Variants in REG4 observed in about 807,000 individuals in gnomAD.
REG4 encodes regenerating islet-derived protein 4.
REG4 carries 16 observed loss-of-function variants against 22.3 expected under a neutral mutation model. That is an observed-to-expected ratio of 0.72 (90% confidence interval 0.49 to 1.09). The LOEUF is 1.09. Ranked by LOEUF, REG4 falls within the 50% of genes least tolerant of loss-of-function variation. The probability of loss-of-function intolerance (pLI) is 0.00; values close to 1 mark genes in which losing one functional copy is unlikely to be tolerated. For missense variants in REG4, 214 were observed against 193.9 expected (o/e 1.10, Z -0.61); for synonymous variants, 71 against 69.2 (o/e 1.03, Z -0.13).
intron 5 of REG4, 39 bp downstream of exon 5, chr1:119,798,458 G>T (rs371243611): frequency 4.7e-6 from 7 of 1,496,230 alleles, no homozygotes; most frequent in African/African-American, 1.4e-5. Context: ...AAGAGTCTGC[G>T]CATTGGGAAG....
chr1:119,807,696 G>A (rs888314776), intron 2 of REG4, among the ~76,000 whole-genome samples: 1 of 152,196 alleles, frequency 6.6e-6, no homozygotes, highest in South Asian at 2.1e-4. Context: ...CGATAGTTCA[G>A]TGAACTGGTG....
At chr1:119,808,426 A>T (rs1471077446) in intron 2 of REG4, among the ~76,000 whole-genome samples, 2 of 152,222 alleles carry the variant, frequency 1.3e-5, no homozygotes, top group Non-Finnish European at 2.9e-5. Flanking sequence ...TGTTTCAAAC[A>T]CATTATCTCT....
chr1:119,810,300 C>T (rs1421553097), intron 1 of REG4, among the ~76,000 whole-genome samples: 1 of 152,066 alleles, frequency 6.6e-6, no homozygotes, highest in Non-Finnish European at 1.5e-5. Context: ...CTGGATTTCC[C>T]TCCCAAATAA....
chr1:119,795,755 TAGTGCTC>T (rs1234875054), intron 5 of REG4, among the ~76,000 whole-genome samples: 1 of 152,200 alleles, frequency 6.6e-6, no homozygotes, highest in Non-Finnish European at 1.5e-5. Context: ...CCTGCATCCA[TAGTGCTC>T]AGCGCAGGAG....
chr1:119,798,344 T>C (rs1437683097), intron 5 of REG4, among the ~76,000 whole-genome samples, 153 bp downstream of exon 5: 3 of 152,188 alleles, frequency 2.0e-5, no homozygotes, highest in Non-Finnish European at 4.4e-5. Flanking sequence ...TGGTAACCAA[T>C]GTCTGTGGCA....
At chr1:119,797,251 A>G (rs183077246) in intron 5 of REG4, among the ~76,000 whole-genome samples, 7 of 151,970 alleles carry the variant, frequency 4.6e-5, no homozygotes, top group African/African-American at 1.4e-4. Flanking sequence ...GCCTCTACCT[A>G]TTGGTTTTGG....
In REG4 at chr1:119,794,497, G is replaced by A. The variant is rs950148896; in HGVS notation, c.*121C>T. 3 of 894,146 alleles carry A rather than the reference G, an allele frequency of 3.4e-6. No individual in the cohort carries two copies. Among genetic ancestry groups the A allele is most frequent in the Non-Finnish European group, 3.7e-6 (2 of 534,720 alleles). 55.4% of individuals were successfully genotyped at this position (894,146 alleles called of 1,614,324 possible). A position where few individuals can be genotyped will look rare whatever the true frequency, so the allele number is the denominator to read the frequency against. ...TAAGCCTAAAAAAGCCAGTGTAGTA[G>A]GGCCCTTATCACTCTTAGTTTGCTA... On this transcript the variant is annotated 3_prime_UTR_variant, in exon 6 of 6. Coordinates refer to ENST00000256585, the MANE Select transcript of REG4 (RefSeq NM_032044.4).
rs1653867960 is a variant in REG4, at chr1:119,794,419, C to A, written c.*199G>T. 2 of 644,430 alleles carry A rather than the reference C, an allele frequency of 3.1e-6. No individual in the cohort carries two copies. The highest frequency in any genetic ancestry group is 1.8e-5 in the South Asian group (1 of 54,462). 39.9% of individuals were successfully genotyped at this position (644,430 alleles called of 1,614,324 possible). ...GATACTGTGGAAAGGGATGGCGGGG[C>A]AAACATTTAGAGCTAGAAGCCACTA... On this transcript the variant is annotated 3_prime_UTR_variant, in exon 6 of 6. Coordinates refer to ENST00000256585, the MANE Select transcript of REG4 (RefSeq NM_032044.4).
chr1:119,808,615 T>C, intron 2 of REG4, 88 bp downstream of exon 2: 1 of 933,980 alleles, frequency 1.1e-6, no homozygotes, highest in Non-Finnish European at 1.7e-6. Context: ...AGTTCCTAAA[T>C]GTTTTTGTGG....
intron 5 of REG4, among the ~76,000 whole-genome samples, chr1:119,798,126 A>G (rs1292608442): frequency 6.6e-6 from 1 of 152,216 alleles, no homozygotes; most frequent in East Asian, 1.9e-4. Flanking sequence ...GAAGAGATTT[A>G]TCTGTTTTCA....
rs1198621957 is a variant in REG4, at chr1:119,802,383, GTTTT to G, written c.165+681_165+684del. The stretch of plus-strand genomic sequence containing the variant: ...TTCGTTCTTGTTTTTTTGTTTGTTT[GTTTT>G]GTTTTCTGTTTTTCATTGTCTAGTT... On this transcript the variant is annotated intron_variant, in intron 3 of 5. Coordinates refer to ENST00000256585, the MANE Select transcript of REG4 (RefSeq NM_032044.4). 5.1e-6 allele frequency: 5 copies of G among 987,202 alleles called. No homozygotes were observed. In the African/African-American group the frequency reaches 7.0e-5, roughly 14 times the overall value. 61.2% of individuals were successfully genotyped at this position (987,202 alleles called of 1,614,324 possible). A position where few individuals can be genotyped will look rare whatever the true frequency, so the allele number is the denominator to read the frequency against.
At chr1:119,807,300 G>C (rs760868496) in intron 2 of REG4, among the ~76,000 whole-genome samples, 27 of 152,332 alleles carry the variant, frequency 1.8e-4, no homozygotes, top group African/African-American at 6.3e-4. Context: ...CATAAGGGAG[G>C]TTCCCCCAAG....
At chr1:119,799,407 C>T (rs1557760401) in intron 4 of REG4, among the ~76,000 whole-genome samples, 2 of 52,602 alleles carry the variant, frequency 3.8e-5, no homozygotes, top group Admixed American at 5.0e-4. Context: ...GGCCTGTGTG[C>T]GTACACACAC....
In REG4 at chr1:119,799,810, A is replaced by G. The variant is rs377287370; in HGVS notation, c.218T>C (p.Leu73Ser). The part of the protein sequence containing the change: ...NGAHLASILS[L>S]KEASTIAEYI... ...CTCTGCTATGGTGCTGGCTTCCTTT[A>G]AACTCAGGATAGATGCCAGGTGGGC... is the stretch of plus-strand genomic sequence containing the variant. Residue 73 changes from leucine to serine, a missense_variant, in exon 4 of 6, where the codon TTA becomes TCA. Transcript: ENST00000256585. 1 of 1,614,046 alleles carries G rather than the reference A, an allele frequency of 6.2e-7. No homozygotes were observed. The highest frequency in any genetic ancestry group is 1.3e-5 in the African/African-American group (1 of 74,936).
intron 2 of REG4, among the ~76,000 whole-genome samples, chr1:119,805,859 A>C (rs935930238): frequency 6.6e-6 from 1 of 150,424 alleles, no homozygotes; most frequent in South Asian, 2.1e-4. Context: ...ACACTCTGCA[A>C]GTTGCGGCTG....
rs2101068350 is a variant in REG4, at chr1:119,799,867, G to A, written c.166-5C>T. 1 of 1,613,882 alleles carries A rather than the reference G, an allele frequency of 6.2e-7. No individual in the cohort carries two copies. The highest frequency in any genetic ancestry group is 8.5e-7 in the Non-Finnish European group (1 of 1,179,992). ...TCCGTAAGACTGACACTCGAGCTAT[G>A]TACAAGGAGAGGTCCTGTTAATTAT... On this transcript the variant is annotated splice_polypyrimidine_tract_variant and splice_region_variant and intron_variant, in intron 3 of 5. Transcript: ENST00000256585.
In REG4 at chr1:119,803,155, C is replaced by T; in HGVS notation, c.78G>A (p.Met26Ile). 6.6e-7 allele frequency: 1 copy of T among 1,519,400 alleles called. No individual in the cohort carries two copies. The highest frequency in any genetic ancestry group is 8.8e-7 in the Non-Finnish European group (1 of 1,135,700). The allele number at this position is 1,519,400 out of a possible 1,614,324, so 94.1% of individuals were successfully genotyped here. Reference sequence around the variant, plus strand: ...ACCATCCAGGAGCACAGCTGGGTCTCATGATGATATCTGCACATAAACAAA... The same window carrying T: ...ACCATCCAGGAGCACAGCTGGGTCTTATGATGATATCTGCACATAAACAAA... ...AKTGVLGDII[M>I]RPSCAPGWFY... The change falls in exon 3 of 6, where the codon ATG becomes ATA. Residue 26 changes from methionine to isoleucine, a missense_variant. By Grantham distance (10) the Met-to-Ile change is conservative (BLOSUM62 1). Transcript: ENST00000256585.
intron 4 of REG4, among the ~76,000 whole-genome samples, 182 bp from the exon 5 acceptor site, chr1:119,798,784 A>G (rs587594050): frequency 6.4e-4 from 97 of 152,342 alleles, no homozygotes; most frequent in African/African-American, 2.3e-3. Context: ...AACATTACCA[A>G]TATTACTGCA....
intron 5 of REG4, among the ~76,000 whole-genome samples, chr1:119,797,706 T>C (rs1234677627): frequency 6.6e-6 from 1 of 152,238 alleles, no homozygotes; most frequent in East Asian, 1.9e-4. Context: ...TTATTAATCA[T>C]GGTTCTCACC....
Sources: allele counts gnomAD v4.1 joint callset (sites outside exome capture counted in the v4.1 genomes callset), GRCh38; gene constraint gnomAD v4.1.1; transcripts MANE v1.5; gene names NCBI Gene and HGNC (gene_info 2026-07-23, HGNC 2026-07-21).